Variants in TMPRSS9 observed in about 807,000 individuals in gnomAD.
The protein encoded by TMPRSS9 is transmembrane serine protease 9, also known as transmembrane protease serine 9.
TMPRSS9 carries 113 observed loss-of-function variants against 111.4 expected under a neutral mutation model. That is an observed-to-expected ratio of 1.01 (90% CI 0.87 to 1.19). TMPRSS9 has a LOEUF of 1.19. Ranked by LOEUF, TMPRSS9 falls within the 50% of genes most tolerant of loss-of-function variation. The probability of loss-of-function intolerance (pLI) is 0.00; values close to 1 mark genes in which losing one functional copy is unlikely to be tolerated. For missense variants in TMPRSS9, 1,803 were observed against 1,513.1 expected, an observed-to-expected ratio of 1.19 and a Z score of -3.18; for synonymous variants, 805 against 659.1, an observed-to-expected ratio of 1.22 and a Z score of -3.39.
chr19:2,369,225 G>A (rs1414541626), intron 1 of TMPRSS9, among the ~76,000 whole-genome samples: 8 of 152,084 alleles, frequency 5.3e-5, no homozygotes, highest in South Asian at 2.1e-4. Context: ...GATTACAGGC[G>A]TGAGCCACTG....
upstream of TMPRSS9, among the ~76,000 whole-genome samples, chr19:2,387,912 G>T (rs1350454280): frequency 6.6e-6 from 1 of 152,194 alleles, no homozygotes; most frequent in African/African-American, 2.4e-5. Flanking sequence ...AGGGGCAGGG[G>T]AGGGAGGAAA....
intron 1 of TMPRSS9, among the ~76,000 whole-genome samples, chr19:2,391,667 T>C (rs1410168856): frequency 6.6e-6 from 1 of 151,950 alleles, no homozygotes; most frequent in African/African-American, 2.4e-5. Flanking sequence ...CTCATCTGCA[T>C]TGTAACAAAT....
exon 12 of TMPRSS9, chr19:2,416,678 T>G (rs746228275): frequency 6.2e-7 from 1 of 1,613,144 alleles, no homozygotes; most frequent in Non-Finnish European, 8.5e-7. Context: ...GACCTGGCTG[T>G]CCTGGAGCTG....
intron 1 of TMPRSS9, among the ~76,000 whole-genome samples, chr19:2,380,598 C>CAAAAAAAGA (rs1970378408): frequency 2.7e-5 from 3 of 110,870 alleles, no homozygotes; most frequent in Admixed American, 2.1e-4. Context: ...AAGACTCCAC[C>CAAAAAAAGA]AAAAAAAAAA....
At chr19:2,366,401 G>A (rs892478038) in intron 1 of TMPRSS9, among the ~76,000 whole-genome samples, 3 of 152,126 alleles carry the variant, frequency 2.0e-5, no homozygotes, top group Non-Finnish European at 4.4e-5. Context: ...GGGACCTGCC[G>A]TCCTGTGTAT....
At chr19:2,363,305 C>G (rs752495117) in intron 1 of TMPRSS9, among the ~76,000 whole-genome samples, 2 of 152,154 alleles carry the variant, frequency 1.3e-5, no homozygotes, top group Admixed American at 6.5e-5. Flanking sequence ...GTTGCCCAGG[C>G]TGGGGACTCT....
intron 1 of TMPRSS9, among the ~76,000 whole-genome samples, chr19:2,394,016 C>T (rs1052607561): frequency 1.3e-5 from 2 of 151,422 alleles, no homozygotes; most frequent in African/African-American, 2.4e-5. Flanking sequence ...TCCTGGCCAA[C>T]ATGATGAAAC....
intron 1 of TMPRSS9, among the ~76,000 whole-genome samples, chr19:2,379,639 T>A (rs910725678): frequency 4.7e-4 from 69 of 147,494 alleles, no homozygotes; most frequent in African/African-American, 1.7e-3. Flanking sequence ...CTTTCTTTCT[T>A]TCTTTCTTTC....
chr19:2,406,631 G>C (rs760687035), intron 7 of TMPRSS9, among the ~76,000 whole-genome samples: 4 of 151,520 alleles, frequency 2.6e-5, no homozygotes, highest in Non-Finnish European at 5.9e-5. Flanking sequence ...CACCGTGCCT[G>C]GCCCACTTGC....
intron 1 of TMPRSS9, among the ~76,000 whole-genome samples, chr19:2,367,023 A>G (rs1167182413): frequency 1.3e-5 from 2 of 152,122 alleles, no homozygotes; most frequent in African/African-American, 4.8e-5. Context: ...CATCCTGACA[A>G]CATGGCTGCT....
exon 1 of TMPRSS9, among the ~76,000 whole-genome samples, chr19:2,360,284 C>A (rs931027864): frequency 1.3e-5 from 2 of 152,176 alleles, no homozygotes; most frequent in African/African-American, 4.8e-5. Context: ...GCAGCCTCGT[C>A]GTCCGGAGCG....
intron 7 of TMPRSS9, among the ~76,000 whole-genome samples, chr19:2,407,807 C>G (rs1031572105): frequency 1.2e-4 from 18 of 148,354 alleles, no homozygotes; most frequent in African/African-American, 4.5e-4. Flanking sequence ...TTTTCTGAGA[C>G]AGAGTCTTGC....
chr19:2,379,615 C>CTCTTTCTTTCTT (rs34251969), intron 1 of TMPRSS9, among the ~76,000 whole-genome samples: 14,173 of 118,394 alleles, frequency 0.12, 1,133 homozygotes, highest in East Asian at 0.16. Flanking sequence ...AACTTTCTTT[C>CTCTTTCTTTCTT]TCTTTCTTTC....
chr19:2,366,338 C>A (rs1243144871), intron 1 of TMPRSS9, among the ~76,000 whole-genome samples: 2 of 151,996 alleles, frequency 1.3e-5, no homozygotes, highest in East Asian at 3.9e-4. Flanking sequence ...CAGAGTGAAA[C>A]CCTATCTCAA....
chr19:2,406,319 CTTTAT>C (rs113369352), intron 7 of TMPRSS9, among the ~76,000 whole-genome samples: 18 of 144,916 alleles, frequency 1.2e-4, no homozygotes, highest in African/African-American at 4.1e-4. Context: ...CGCCCGGCCT[CTTTAT>C]TTTATTTTAT....
chr19:2,393,898 C>CAAAA (rs34160378), intron 1 of TMPRSS9, among the ~76,000 whole-genome samples: 3 of 63,596 alleles, frequency 4.7e-5, no homozygotes, highest in Admixed American at 1.6e-4. Flanking sequence ...ACCATGTCTC[C>CAAAA]AAAAAAAAAA....
At chr19:2,405,578 C>A (rs1268562738) in intron 7 of TMPRSS9, 33 bp downstream of exon 8, 1 of 1,481,884 alleles carries the variant, frequency 6.7e-7, no homozygotes, top group South Asian at 1.4e-5. Context: ...CAAACCCGAA[C>A]CCTCTGTATT....
intron 13 of TMPRSS9, among the ~76,000 whole-genome samples, chr19:2,421,632 C>G (rs1348867504): frequency 1.3e-5 from 2 of 152,100 alleles, no homozygotes; most frequent in East Asian, 1.9e-4. Context: ...TTTACCTCCT[C>G]AAAACAAAAG....
chr19:2,396,626 C>T (rs71337102), exon 2 of TMPRSS9: 9 of 1,603,488 alleles, frequency 5.6e-6, no homozygotes, highest in African/African-American at 2.7e-5. Context: ...CGGGAGACCT[C>T]GGACTATCAC....
Sources: allele counts gnomAD v4.1 joint callset (sites outside exome capture counted in the v4.1 genomes callset), GRCh38; gene constraint gnomAD v4.1.1; transcripts MANE v1.5; gene names NCBI Gene and HGNC (gene_info 2026-07-23, HGNC 2026-07-21).